ARMC9: variants seen among roughly 807,000 people sequenced by gnomAD.
ARMC9 encodes the protein lisH domain-containing protein ARMC9.
ARMC9 carries 94 observed loss-of-function variants against 107.0 expected under a neutral mutation model. That is an observed-to-expected ratio of 0.88 (90% confidence interval 0.74 to 1.04). The LOEUF (loss-of-function observed/expected upper bound fraction) is 1.04, where lower values mean the gene tolerates loss of function less well. Ranked by LOEUF, ARMC9 falls within the 50% of genes least tolerant of loss-of-function variation. The pLI is 0.00. For synonymous variants in ARMC9, 380 were observed against 396.9 expected (o/e 0.96, Z 0.51); for missense variants, 942 against 1,030.1 (o/e 0.91, Z 1.17).
At chr2:231,215,065 T>G in intron 4 of ARMC9, 64 bp downstream of exon 4, 2 of 1,548,664 alleles carry the variant, frequency 1.3e-6, no homozygotes, top group Non-Finnish European at 1.8e-6. Flanking sequence ...TTTGCTGTCA[T>G]TGTCCACATG....
At position 231,320,280 on chromosome 2, in the gene ARMC9, G is replaced by A. The variant is rs143968105; in HGVS notation, c.1774-11513G>A. Among the ~76,000 whole-genome samples, 9 of 152,238 alleles carry A rather than the reference G, an allele frequency of 5.9e-5. No homozygotes were observed. The East Asian group carries it at 7.7e-4, about 13-fold the overall frequency. On this transcript the variant is annotated intron_variant, in intron 19 of 24. Coordinates refer to ENST00000611582, the MANE Select transcript of ARMC9 (RefSeq NM_001352754.2). ...CACACCTAGATGTTGAATTGCTGAT[G>A]CAGGGGGATGAGGGTCTCATCTTTA...
At chr2:231,332,014 A>G (rs1169545378) in intron 20 of ARMC9, 117 bp downstream of exon 20, 6 of 843,170 alleles carry the variant, frequency 7.1e-6, no homozygotes, top group Non-Finnish European at 3.8e-6. Flanking sequence ...TACTGTATTT[A>G]TGAGAAGGTC....
At chr2:231,260,934 A>G (rs192646054) in intron 11 of ARMC9, among the ~76,000 whole-genome samples, 1 of 152,134 alleles carries the variant, frequency 6.6e-6, no homozygotes, top group Non-Finnish European at 1.5e-5. Context: ...CCCTGCTTCA[A>G]CCTCAGTGAA....
rs1367080694 is a variant in ARMC9, at chr2:231,374,531, CAA to C, written c.*2999_*3000del. ...AGGTGAGGAAAGATTTGGCCCAAATCAAAAGAGCTAAAAAAAAAATAATAAAA... is the reference window on the plus strand; with the variant it reads ...AGGTGAGGAAAGATTTGGCCCAAATCAAGAGCTAAAAAAAAAATAATAAAA... On this transcript the variant is annotated 3_prime_UTR_variant, in exon 25 of 25. Coordinates refer to ENST00000611582, the MANE Select transcript of ARMC9 (RefSeq NM_001352754.2). 2 of 118,702 alleles carry C rather than the reference CAA, an allele frequency of 1.7e-5. No individual in the cohort carries two copies. The highest frequency in any genetic ancestry group is 3.3e-5 in the African/African-American group (1 of 30,494). 7.4% of individuals were successfully genotyped at this position (118,702 alleles called of 1,614,324 possible).
intron 9 of ARMC9, among the ~76,000 whole-genome samples, chr2:231,246,824 G>C (rs1332582818): frequency 6.6e-6 from 1 of 151,320 alleles, no homozygotes; most frequent in Non-Finnish European, 1.5e-5. Flanking sequence ...AGCTTTTTTT[G>C]TTTTTGTTTT....
chr2:231,306,400 A>G (rs1347419867), intron 19 of ARMC9, among the ~76,000 whole-genome samples: 1 of 152,204 alleles, frequency 6.6e-6, no homozygotes, highest in Non-Finnish European at 1.5e-5. Flanking sequence ...TCATTTGGAG[A>G]ATAATCCAAT....
intron 15 of ARMC9, 123 bp from the exon 16 acceptor site, chr2:231,278,240 ACTCACCCGAGGTCATACAG>A (rs1320222900): frequency 9.5e-6 from 7 of 736,772 alleles, no homozygotes; most frequent in Middle Eastern, 2.4e-4. Context: ...TGGTTACATG[ACTCACCCGAGGTCATACAG>A]CTCACCCGAG....
In ARMC9 at chr2:231,276,786, C is replaced by T. The variant is rs563347300; in HGVS notation, c.1474+11C>T. On this transcript the variant is annotated intron_variant, in intron 15 of 24. Coordinates refer to ENST00000611582, the MANE Select transcript of ARMC9 (RefSeq NM_001352754.2). The stretch of plus-strand genomic sequence containing the variant: ...GCCTCCGCAGCACAGGTCTCAGCCC[C>T]GACCCTCATTCTAGTGCAAGAAGGG... The T allele has an allele frequency of 1.5e-5, 25 of 1,613,470 alleles. No homozygotes were observed. The highest frequency in any genetic ancestry group is 1.9e-5 in the Non-Finnish European group (23 of 1,179,734).
intron 20 of ARMC9, among the ~76,000 whole-genome samples, chr2:231,337,270 GTA>G (rs770448501): frequency 0.011 from 842 of 76,368 alleles, 61 homozygotes; most frequent in African/African-American, 0.032. Context: ...ACGTGTGTGT[GTA>G]TATATATATA....
intron 21 of ARMC9, among the ~76,000 whole-genome samples, chr2:231,352,327 C>T (rs2045120350): frequency 6.6e-6 from 1 of 150,796 alleles, no homozygotes; most frequent in African/African-American, 2.4e-5. Context: ...CAGTCTTGCT[C>T]TGTCGCCCAG....
intron 6 of ARMC9, among the ~76,000 whole-genome samples, chr2:231,223,909 T>C (rs952718514): frequency 3.9e-5 from 6 of 152,216 alleles, no homozygotes; most frequent in Non-Finnish European, 8.8e-5. Context: ...ATACAGTGAT[T>C]TTCAGTGAAA....
rs975140857 is a variant in ARMC9, at chr2:231,262,345, G to A, written c.1066G>A (p.Val356Ile). The change falls in exon 12 of 25, where the codon GTT (valine) becomes ATT (isoleucine). Residue 356 changes from valine (V) to isoleucine (I), a missense_variant. Physicochemically the swap from Val to Ile is conservative, Grantham distance 29 (BLOSUM62 3). Transcript: ENST00000611582. Reference protein sequence around the residue: ...TSHPGEQRETVLQAYISNDLL... With the variant: ...TSHPGEQRETILQAYISNDLL... ...CCATCCTGGAGAGCAGAGGGAGACCGTTCTGCAAGCCTACATCAGCAATGA... is the reference window on the plus strand; with the variant it reads ...CCATCCTGGAGAGCAGAGGGAGACCATTCTGCAAGCCTACATCAGCAATGA... 19 of 1,614,064 alleles carry A rather than the reference G, an allele frequency of 1.2e-5. 1 individual carries two copies. Among genetic ancestry groups the A allele is most frequent in the African/African-American group, 2.7e-5 (2 of 74,926 alleles).
At chr2:231,321,797 T>C (rs2043010903) in intron 19 of ARMC9, among the ~76,000 whole-genome samples, 1 of 152,192 alleles carries the variant, frequency 6.6e-6, no homozygotes, top group Admixed American at 6.5e-5. Flanking sequence ...GCTGGGGCAC[T>C]GGGTCCCTCT....
chr2:231,277,161 G>A (rs577566642), intron 15 of ARMC9, among the ~76,000 whole-genome samples: 1 of 152,266 alleles, frequency 6.6e-6, no homozygotes, highest in South Asian at 2.1e-4. Context: ...CACACTTCCT[G>A]CCCTGAATCA....
intron 9 of ARMC9, among the ~76,000 whole-genome samples, chr2:231,244,856 A>C (rs1195821391): frequency 6.6e-6 from 1 of 152,270 alleles, no homozygotes; most frequent in Non-Finnish European, 1.5e-5. Context: ...TGCCCAAAGC[A>C]GAAGAGGACA....
intron 14 of ARMC9, among the ~76,000 whole-genome samples, chr2:231,273,676 A>G (rs2039524564): frequency 6.6e-6 from 1 of 152,064 alleles, no homozygotes; most frequent in Admixed American, 6.6e-5. Context: ...CAGCCCCCCA[A>G]AGTGCTGGAA....
intron 1 of ARMC9, 166 bp downstream of exon 1, chr2:231,198,864 G>A (rs3731775): frequency 0.26 from 40,328 of 152,346 alleles, 5,541 homozygotes; most frequent in African/African-American, 0.3. Flanking sequence ...TCTCGCCTGC[G>A]GTCCAGGGAT....
chr2:231,289,534 C>T (rs905265363), intron 17 of ARMC9, among the ~76,000 whole-genome samples: 1 of 152,170 alleles, frequency 6.6e-6, no homozygotes, highest in Non-Finnish European at 1.5e-5. Flanking sequence ...TAACTTTCTC[C>T]TTCCTGTGGC....
chr2:231,272,021 T>TC (rs1253514054), intron 13 of ARMC9, among the ~76,000 whole-genome samples: 1 of 152,012 alleles, frequency 6.6e-6, no homozygotes, highest in Non-Finnish European at 1.5e-5. Flanking sequence ...AGGACAATGC[T>TC]CCCCACAAGA....
Sources: allele counts gnomAD v4.1 joint callset (sites outside exome capture counted in the v4.1 genomes callset), GRCh38; gene constraint gnomAD v4.1.1; transcripts MANE v1.5; gene names NCBI Gene and HGNC (gene_info 2026-07-23, HGNC 2026-07-21).